The following MTX3 variants were observed in gnomAD, a reference collection of about 807,000 sequenced individuals.
MTX3 encodes metaxin-3.
MTX3 carries 27 observed loss-of-function variants against 42.5 expected under a neutral mutation model. That is an observed-to-expected ratio of 0.64 (90% CI 0.47 to 0.88). The LOEUF (loss-of-function observed/expected upper bound fraction) is 0.88, where lower values mean the gene tolerates loss of function less well. Ranked by LOEUF, MTX3 falls within the 40% of genes least tolerant of loss-of-function variation. The probability of loss-of-function intolerance (pLI) is 0.00; values close to 1 mark genes in which losing one functional copy is unlikely to be tolerated. For synonymous variants in MTX3, 144 were observed against 132.9 expected (o/e 1.08, Z -0.57); for missense variants, 378 against 367.0 (o/e 1.03, Z -0.25).
At position 79,977,870 on chromosome 5, in the gene MTX3, T is replaced by C. The variant is rs1010517449; in HGVS notation, c.*5814A>G. 3.9e-5 allele frequency: 6 copies of C among 152,218 alleles called. No homozygotes were observed. Among genetic ancestry groups the C allele is most frequent in the African/African-American group, 1.2e-4 (5 of 41,450 alleles). The allele number at this position is 152,218 out of a possible 1,614,324, so 9.4% of individuals were successfully genotyped here. ...GTGACTTTAGTGTCATAAACACCCA[T>C]TGCCTTTTTGGCACTTTTAAAGTAC... On this transcript the variant is annotated 3_prime_UTR_variant, in exon 9 of 9. Transcript: ENST00000512528.
At chr5:79,990,022 C>T (rs969501914) in intron 3 of MTX3, 138 bp downstream of exon 3, 22 of 491,396 alleles carry the variant, frequency 4.5e-5, no homozygotes, top group African/African-American at 4.0e-4. Flanking sequence ...CAGTGATTCT[C>T]AAATCTATTT....
At position 79,980,995 on chromosome 5, in the gene MTX3, A is replaced by AC. The variant is rs1363447956; in HGVS notation, c.*2688dup. 6.6e-6 allele frequency: 1 copy of AC among 151,666 alleles called. No individual in the cohort carries two copies. The highest frequency in any genetic ancestry group is 6.6e-5 in the Admixed American group (1 of 15,200). 9.4% of individuals were successfully genotyped at this position (151,666 alleles called of 1,614,324 possible). A position where few individuals can be genotyped will look rare whatever the true frequency, so the allele number is the denominator to read the frequency against. ...AGACCAGCCTGAGCAACATGGTGAA[A>AC]CCCCGTCTCGACTAAAAAAAAAACA... is the stretch of plus-strand genomic sequence containing the variant. On this transcript the variant is annotated 3_prime_UTR_variant, in exon 9 of 9. Transcript: ENST00000512528.
rs557150764 is a variant in MTX3 at position 79,988,523 on chromosome 5, T to G, written c.443A>C (p.Asn148Thr). 6.2e-7 allele frequency: 1 copy of G among 1,613,106 alleles called. No individual in the cohort carries two copies. Residue 148 changes from asparagine (N) to threonine (T), a missense_variant, in exon 5 of 9, where the codon AAT (asparagine) becomes ACT (threonine). Transcript: ENST00000512528. ...LPGRMSKGAL[N>T]RILLTRGQPP... is the part of the protein sequence containing the mutation. ...CTGTCCTCTGGTCAGGAGAATCCTATTCAGTGCTCCCTTAGACATTCTTCC... is the reference window on the plus strand; with the variant it reads ...CTGTCCTCTGGTCAGGAGAATCCTAGTCAGTGCTCCCTTAGACATTCTTCC...
chr5:79,986,730 C>T, intron 7 of MTX3: 2 of 577,742 alleles, frequency 3.5e-6, no homozygotes, highest in Middle Eastern at 6.8e-4. Context: ...ACGTAAAAAT[C>T]CAGCGGAATA....
chr5:79,986,398 C>T (rs144464799), intron 7 of MTX3, among the ~76,000 whole-genome samples: 59 of 152,322 alleles, frequency 3.9e-4, no homozygotes, highest in Non-Finnish European at 7.5e-4. Flanking sequence ...GTATCTGAAT[C>T]ACTTAAGCAC....
At position 79,982,463 on chromosome 5, in the gene MTX3, C is replaced by A. The variant is rs1477368009; in HGVS notation, c.*1221G>T. The A allele has an allele frequency of 2.2e-6, 1 of 455,196 alleles. No homozygotes were observed. The highest frequency in any genetic ancestry group is 4.4e-6 in the Non-Finnish European group (1 of 226,388). The allele number at this position is 455,196 out of a possible 1,614,324, so 28.2% of individuals were successfully genotyped here. ...CACAGTAATCTTTTAAGACACTAAT[C>A]AAAAACATGGTTCTACATTTTAAAA... On this transcript the variant is annotated 3_prime_UTR_variant, in exon 9 of 9. Coordinates refer to ENST00000512528, the MANE Select transcript of MTX3 (RefSeq NM_001363818.2).
intron 6 of MTX3, among the ~76,000 whole-genome samples, chr5:79,987,458 AAAATT>A (rs1561282823): frequency 1.3e-5 from 2 of 151,902 alleles, no homozygotes; most frequent in African/African-American, 4.8e-5. Flanking sequence ...AAAAAAAAAA[AAAATT>A]AAATTAAGGA....
At chr5:79,989,528 A>C (rs1454296953) in intron 3 of MTX3, among the ~76,000 whole-genome samples, 2 of 152,224 alleles carry the variant, frequency 1.3e-5, no homozygotes. Context: ...TAGTACAAAC[A>C]AAGCAACTAT....
rs1185100739 is a variant in MTX3, at chr5:79,979,673, A to G, written c.*4011T>C. ...TATTTTATCCTCAGAAGTAAACCCC[A>G]CTACCATAGAAAGAAAAAAATATAA... On this transcript the variant is annotated 3_prime_UTR_variant, in exon 9 of 9. Coordinates refer to ENST00000512528, the MANE Select transcript of MTX3 (RefSeq NM_001363818.2). 2 of 152,122 alleles carry G rather than the reference A, an allele frequency of 1.3e-5. No individual in the cohort carries two copies. Among genetic ancestry groups the G allele is most frequent in the African/African-American group, 4.8e-5 (2 of 41,458 alleles). The allele number at this position is 152,122 out of a possible 1,614,324, so 9.4% of individuals were successfully genotyped here.
rs575387660 is a variant in MTX3, at chr5:79,991,182, A to G, written c.57T>C (p.Val19=). 5.3e-5 allele frequency: 80 copies of G among 1,508,020 alleles called. No individual in the cohort carries two copies. Among genetic ancestry groups the G allele is most frequent in the South Asian group, 5.2e-4 (41 of 78,850 alleles). The allele number at this position is 1,508,020 out of a possible 1,614,324, so 93.4% of individuals were successfully genotyped here. A position where few individuals can be genotyped will look rare whatever the true frequency, so the allele number is the denominator to read the frequency against. The change falls in exon 1 of 9, where the codon GTT becomes GTC. Residue 19 remains valine, a synonymous_variant. Transcript: ENST00000512528. ...CCATCACCACCAGGGACTCGCTGTG[A>G]ACCGATGGGAGTCCCCAGCCGCCTC... ...CWGGGWGLPS[V]HSESLVVMAY...
chr5:79,989,811 G>A (rs1026536555), intron 3 of MTX3, among the ~76,000 whole-genome samples: 4 of 152,154 alleles, frequency 2.6e-5, no homozygotes, highest in African/African-American at 9.7e-5. Flanking sequence ...TAGTTGGTGA[G>A]AGCTCAGGTG....
chr5:79,984,439 A>G (rs1203632219), intron 8 of MTX3, among the ~76,000 whole-genome samples: 2 of 152,212 alleles, frequency 1.3e-5, no homozygotes, highest in African/African-American at 4.8e-5. Flanking sequence ...ACATTAGGCA[A>G]AAAGAAAGAT....
Position 79,983,479 on chromosome 5 carries a change from C to G in MTX3, c.*205G>C. The G allele has an allele frequency of 2.1e-6, 1 of 469,204 alleles. No homozygotes were observed. The highest frequency in any genetic ancestry group is 2.6e-5 in the African/African-American group (1 of 38,112). The allele number at this position is 469,204 out of a possible 1,614,324, so 29.1% of individuals were successfully genotyped here. On this transcript the variant is annotated 3_prime_UTR_variant, in exon 9 of 9. Transcript: ENST00000512528. The stretch of plus-strand genomic sequence containing the variant: ...CGCCCCCCCAACCAAGTTCATTTAG[C>G]ATTCTCTTTGTTATTAAAAATGCAG...
chr5:79,988,101 G>A, intron 6 of MTX3, 138 bp downstream of exon 6: 1 of 636,808 alleles, frequency 1.6e-6, no homozygotes, highest in Non-Finnish European at 2.8e-6. Flanking sequence ...ACAGGTATGA[G>A]CCACCACACC....
Position 79,983,475 on chromosome 5 carries a change from T to G in MTX3, c.*209A>C. 19 of 426,974 alleles carry G rather than the reference T, an allele frequency of 4.4e-5. No homozygotes were observed. Among genetic ancestry groups the G allele is most frequent in the Non-Finnish European group, 5.0e-5 (12 of 239,408 alleles). The allele number at this position is 426,974 out of a possible 1,614,324, so 26.4% of individuals were successfully genotyped here. ...TCCCCGCCCCCCCAACCAAGTTCAT[T>G]TAGCATTCTCTTTGTTATTAAAAAT... On this transcript the variant is annotated 3_prime_UTR_variant, in exon 9 of 9. Coordinates refer to ENST00000512528, the MANE Select transcript of MTX3 (RefSeq NM_001363818.2).
rs1831371627 is a variant in MTX3 at position 79,981,404 on chromosome 5, T to C, written c.*2280A>G. ...ATGTAAGGCTAACAGCAGTTCAAAG[T>C]AGGGATGACACAAAAACAAATAAAT... On this transcript the variant is annotated 3_prime_UTR_variant, in exon 9 of 9. Coordinates refer to ENST00000512528, the MANE Select transcript of MTX3 (RefSeq NM_001363818.2). 1 of 152,194 alleles carries C rather than the reference T, an allele frequency of 6.6e-6. No homozygotes were observed. Among genetic ancestry groups the C allele is most frequent in the South Asian group, 2.1e-4 (1 of 4,832 alleles). The allele number at this position is 152,194 out of a possible 1,614,324, so 9.4% of individuals were successfully genotyped here.
chr5:79,987,150 T>A (rs1359279950), intron 6 of MTX3, 43 bp from the exon 7 acceptor site: 5 of 1,582,712 alleles, frequency 3.2e-6, no homozygotes, highest in African/African-American at 1.4e-5. Flanking sequence ...AAGACAATAT[T>A]AACTGAAGGC....
At chr5:79,989,277 A>C (rs1156412705) in intron 3 of MTX3, 33 bp from the exon 4 acceptor site, 1 of 1,395,670 alleles carries the variant, frequency 7.2e-7, no homozygotes, top group Non-Finnish European at 9.8e-7. Flanking sequence ...AGAAACTCAG[A>C]AGTCAAAGAG....
chr5:79,989,240 T>C lies in MTX3; in HGVS notation c.233A>G (p.Tyr78Cys), dbSNP rs200949506. ...TGCTGAGAGTTCATAATCAGCATTATATTTCTATTAAAAAAAAATAAACCA... is the reference window on the plus strand; with the variant it reads ...TGCTGAGAGTTCATAATCAGCATTACATTTCTATTAAAAAAAAATAAACCA... ...KILNFLRKQK[Y>C]NADYELSAKQ... The change falls in exon 4 of 9, where the codon TAT becomes TGT. Residue 78 changes from tyrosine to cysteine, a missense_variant. Physicochemically the swap from Tyr to Cys is radical, Grantham distance 194. Transcript: ENST00000512528. 9.8e-5 allele frequency: 154 copies of C among 1,577,270 alleles called. No homozygotes were observed. The highest frequency in any genetic ancestry group is 7.5e-4 in the South Asian group (64 of 85,228).
Sources: gnomAD v4.1 joint callset for allele counts (sites outside exome capture counted in the v4.1 genomes callset) on GRCh38, gnomAD v4.1.1 for gene constraint, MANE v1.5 for transcripts, NCBI Gene and HGNC (gene_info 2026-07-23, HGNC 2026-07-21) for gene names.